The following ADGRG1 variants were observed in gnomAD, a reference collection of about 807,000 sequenced individuals.
ADGRG1 encodes the protein adhesion G protein-coupled receptor G1, also known as 7-transmembrane protein with no EGF-like N-terminal domains-1.
Under a neutral mutation model 73.5 loss-of-function variants are expected in ADGRG1, and 53 were observed. The observed-to-expected ratio is 0.72, with a 90% CI of 0.58 to 0.91. ADGRG1 has a LOEUF of 0.91. Ranked by LOEUF, ADGRG1 falls within the 40% of genes least tolerant of loss-of-function variation. The pLI, the probability that ADGRG1 is intolerant of heterozygous loss-of-function variation, is 0.00. For missense variants in ADGRG1, 795 were observed against 871.8 expected (o/e 0.91, Z 1.11); for synonymous variants, 394 against 374.4 (o/e 1.05, Z -0.60).
rs551185896 is a variant in ADGRG1, at chr16:57,657,581, G to C, written c.1286+90G>C. The C allele has an allele frequency of 2.0e-4, 202 of 998,670 alleles. No individual in the cohort carries two copies. The African/African-American group carries it at 2.7e-3, about 13-fold the overall frequency. 61.9% of individuals were successfully genotyped at this position (998,670 alleles called of 1,614,324 possible). A position where few individuals can be genotyped will look rare whatever the true frequency, so the allele number is the denominator to read the frequency against. On this transcript the variant is annotated intron_variant, in intron 10 of 13. Coordinates refer to ENST00000562631, the MANE Select transcript of ADGRG1 (RefSeq NM_201525.4). ...CCGCACACATCTCCGGTCATGGCCC[G>C]CCCGCATGACCTGGAACTGTGTGTG...
chr16:57,650,438 C>G, intron 2 of ADGRG1, 87 bp downstream of exon 2: 1 of 1,608,646 alleles, frequency 6.2e-7, no homozygotes, highest in Non-Finnish European at 8.5e-7. Context: ...CACATGCTAA[C>G]TCCTTTAGGC....
intron 2 of ADGRG1, among the ~76,000 whole-genome samples, chr16:57,650,691 A>G (rs908866682): frequency 1.4e-5 from 2 of 145,036 alleles, no homozygotes; most frequent in Non-Finnish European, 3.0e-5. Flanking sequence ...TGAAATTACT[A>G]TTCGTTTTCA....
chr16:57,659,294 A>C lies in ADGRG1; in HGVS notation c.1287-119A>C. ...CACAGGAATAGGATAGGGGCCATGT[A>C]TGACTGCATGTGTGTGTCGGGGTGG... On this transcript the variant is annotated intron_variant, in intron 10 of 13. Transcript: ENST00000562631. The C allele has an allele frequency of 3.8e-6, 6 of 1,577,750 alleles. No individual in the cohort carries two copies. The South Asian group carries it at 5.7e-5, about 15-fold the overall frequency.
At chr16:57,649,513 G>T (rs2043493817) in intron 1 of ADGRG1, among the ~76,000 whole-genome samples, 1 of 152,116 alleles carries the variant, frequency 6.6e-6, no homozygotes, top group Non-Finnish European at 1.5e-5. Context: ...TCTGAGCTAG[G>T]TCTCAGGAAT....
At chr16:57,628,154 C>T, upstream of ADGRG1, 1 of 985,348 alleles carries the variant, frequency 1.0e-6, no homozygotes, top group Non-Finnish European at 1.2e-6. Context: ...CTCCCGACTG[C>T]CTTCCGCTCT....
At chr16:57,653,838 T>TC in intron 4 of ADGRG1, 148 bp from the exon 5 acceptor site, 6 of 1,567,716 alleles carry the variant, frequency 3.8e-6, no homozygotes, top group Non-Finnish European at 5.2e-6. Context: ...CTCCACTCTC[T>TC]CTTGCCCACC....
At chr16:57,663,014 T>C in intron 13 of ADGRG1, 4 of 984,598 alleles carry the variant, frequency 4.1e-6, no homozygotes, top group Non-Finnish European at 4.8e-6. Flanking sequence ...GGACTCAGGA[T>C]TGTAAGTGAG....
chr16:57,659,745 G>GTTT (rs2046625800), intron 11 of ADGRG1, 64 bp downstream of exon 11: 9 of 1,572,536 alleles, frequency 5.7e-6, no homozygotes, highest in Non-Finnish European at 7.8e-6. Context: ...CAAAACCCAG[G>GTTT]CACCTGGTTC....
chr16:57,663,566 C>A lies in ADGRG1; in HGVS notation c.2048C>A (p.Ser683Ter). 1 of 1,613,500 alleles carries A rather than the reference C, an allele frequency of 6.2e-7. No individual in the cohort carries two copies. Among genetic ancestry groups the A allele is most frequent in the South Asian group, 1.1e-5 (1 of 91,086 alleles). ...CTCCCCATCAGCTCGGGCAGCACCT[C>A]GTCCAGCCGCATCTAGGCCTCCAGC... ...ARLPISSGST[S>*]SSRI The change falls in exon 14 of 14, where the codon TCG (serine) becomes TAG (stop). Residue 683 changes from serine to a stop codon, truncating the protein, a stop_gained. Coordinates refer to ENST00000562631, the MANE Select transcript of ADGRG1 (RefSeq NM_201525.4). LOFTEE classifies it high-confidence loss of function.
chr16:57,632,234 G>C, intron 1 of ADGRG1: 1 of 985,410 alleles, frequency 1.0e-6, no homozygotes. Context: ...CTCGTGTCTT[G>C]AACCCTGCCC....
intron 2 of ADGRG1, chr16:57,622,220 A>C (rs1038317071): frequency 6.6e-6 from 1 of 152,160 alleles, no homozygotes; most frequent in African/African-American, 2.4e-5. Context: ...GCTCTCTAAG[A>C]TAGGCGGATA....
At chr16:57,631,676 GATGGCA>G (rs2037956798) in intron 1 of ADGRG1, 1 of 985,134 alleles carries the variant, frequency 1.0e-6, no homozygotes, top group African/African-American at 1.7e-5. Flanking sequence ...CAACTGGGCA[GATGGCA>G]AATGGGGGGC....
chr16:57,641,945 C>T (rs573708671), intron 1 of ADGRG1: 10 of 211,734 alleles, frequency 4.7e-5, no homozygotes, highest in Admixed American at 1.3e-4. Flanking sequence ...TTGAGTACTG[C>T]GGCATGATCA....
At chr16:57,655,818 CCTT>C in intron 6 of ADGRG1, 55 bp from the exon 7 acceptor site, 2 of 1,613,810 alleles carry the variant, frequency 1.2e-6, no homozygotes, top group Non-Finnish European at 1.7e-6. Flanking sequence ...GCTTCTGGGC[CCTT>C]CTTCTCAGTC....
At chr16:57,656,761 A>G in intron 9 of ADGRG1, 144 bp downstream of exon 9, 1 of 720,434 alleles carries the variant, frequency 1.4e-6, no homozygotes, top group Non-Finnish European at 2.6e-6. Flanking sequence ...ATAGATGAGG[A>G]AATGGAGGCT....
At chr16:57,652,095 G>A (rs1567759479) in intron 3 of ADGRG1, 1 of 1,042,560 alleles carries the variant, frequency 9.6e-7, no homozygotes, top group African/African-American at 1.7e-5. Context: ...CAATGGGAGA[G>A]CCAGGATTTG....
At chr16:57,627,730 TCGG>T, upstream of ADGRG1, 1 of 825,406 alleles carries the variant, frequency 1.2e-6, no homozygotes, top group Non-Finnish European at 1.4e-6. Flanking sequence ...TCCTCATTGC[TCGG>T]AGGAGGAGGG....
chr16:57,663,251 C>A, intron 13 of ADGRG1: 2 of 888,030 alleles, frequency 2.3e-6, no homozygotes, highest in Non-Finnish European at 2.7e-6. Context: ...AAGTTTGTGA[C>A]AGTGAGAGGC....
upstream of ADGRG1, chr16:57,628,629 C>T (rs1176135356): frequency 1.0e-5 from 10 of 985,532 alleles, no homozygotes; most frequent in African/African-American, 1.7e-5. Context: ...CCTCCCTCTC[C>T]GCACTAGCTG....
Sources: gnomAD v4.1 joint callset for allele counts (sites outside exome capture counted in the v4.1 genomes callset) on GRCh38, gnomAD v4.1.1 for gene constraint, MANE v1.5 for transcripts, NCBI Gene and HGNC (gene_info 2026-07-23, HGNC 2026-07-21) for gene names.